Variants in GJB7 observed in about 807,000 individuals in gnomAD.
GJB7 encodes gap junction protein beta 7.
For missense variants in GJB7, 253 were observed against 256.8 expected (o/e 0.99, Z 0.10); for synonymous variants, 87 against 95.2 (o/e 0.91, Z 0.50).
intron 2 of GJB7, among the ~76,000 whole-genome samples, chr6:87,295,105 T>C (rs542054754): frequency 2.9e-4 from 44 of 151,906 alleles, no homozygotes; most frequent in African/African-American, 1.0e-3. Flanking sequence ...GTTGTATAAT[T>C]TCCTGGCCAA....
chr6:87,301,179 G>A (rs1776318197), intron 2 of GJB7, among the ~76,000 whole-genome samples: 1 of 152,090 alleles, frequency 6.6e-6, no homozygotes, highest in African/African-American at 2.4e-5. Context: ...TCGGACAGTG[G>A]GTGCAGGACA....
chr6:87,290,475 A>G (rs1776150383), intron 2 of GJB7, among the ~76,000 whole-genome samples: 1 of 151,298 alleles, frequency 6.6e-6, no homozygotes, highest in African/African-American at 2.5e-5. Flanking sequence ...AAAATCCCTA[A>G]AACAGTGTTT....
intron 2 of GJB7, among the ~76,000 whole-genome samples, chr6:87,311,604 C>T (rs1047607907): frequency 6.6e-6 from 1 of 152,092 alleles, no homozygotes; most frequent in African/African-American, 2.4e-5. Flanking sequence ...AAGTTCATGA[C>T]ACAGTATTTT....
chr6:87,299,441 C>G (rs568625178), intron 2 of GJB7: 4 of 453,446 alleles, frequency 8.8e-6, no homozygotes, highest in Non-Finnish European at 1.7e-5. Flanking sequence ...TTTATTAATA[C>G]GTCAAAAGGT....
chr6:87,327,821 G>T (rs1432760852), intron 1 of GJB7, among the ~76,000 whole-genome samples: 1 of 149,170 alleles, frequency 6.7e-6, no homozygotes, highest in Non-Finnish European at 1.5e-5. Context: ...GATTGGGGAA[G>T]TTCTCCTGGA....
intron 2 of GJB7, among the ~76,000 whole-genome samples, chr6:87,289,930 G>A (rs1257380617): frequency 6.6e-6 from 1 of 152,224 alleles, no homozygotes; most frequent in African/African-American, 2.4e-5. Flanking sequence ...GTGCTGGTTT[G>A]AAACTTGTGT....
At chr6:87,325,557 C>A (rs12211594) in intron 1 of GJB7, among the ~76,000 whole-genome samples, 57,797 of 147,502 alleles carry the variant, frequency 0.39, 12,160 homozygotes, top group Non-Finnish European at 0.48. Flanking sequence ...TGTTTATATG[C>A]TGGATTACAT....
chr6:87,301,749 C>T (rs964909457), intron 2 of GJB7, among the ~76,000 whole-genome samples: 6 of 152,194 alleles, frequency 3.9e-5, no homozygotes, highest in African/African-American at 1.4e-4. Flanking sequence ...GGACCCTGAC[C>T]CCGGAGTAGC....
intron 2 of GJB7, among the ~76,000 whole-genome samples, chr6:87,305,154 T>C (rs1441001650): frequency 6.6e-6 from 1 of 152,124 alleles, no homozygotes; most frequent in Non-Finnish European, 1.5e-5. Flanking sequence ...CTATTCAACA[T>C]AGTGTTGGAA....
At chr6:87,323,836 T>C (rs1001737772) in intron 1 of GJB7, among the ~76,000 whole-genome samples, 3 of 152,132 alleles carry the variant, frequency 2.0e-5, no homozygotes, top group African/African-American at 7.2e-5. Context: ...TCTAGATCCC[T>C]GAGGAATCGC....
In GJB7 at chr6:87,301,492, G is replaced by A. The variant is rs370216371; in HGVS notation, c.-27-16553C>T. Among the ~76,000 whole-genome samples, 26 of 152,252 alleles carry A rather than the reference G, an allele frequency of 1.7e-4. No individual in the cohort carries two copies. In the East Asian group the frequency reaches 3.7e-3, roughly 21 times the overall value. On this transcript the variant is annotated intron_variant, in intron 2 of 2. Coordinates refer to ENST00000525899, the MANE Select transcript of GJB7 (RefSeq NM_198568.3). ...CAGCGAGGGTGGGGGATGGGCGCCC[G>A]CCATTGCTGAGGCTTGAGTAGGTAA...
Position 87,284,865 on chromosome 6 carries a change from G to A in GJB7, c.48C>T (p.Tyr16=), listed in dbSNP as rs1562207274. Residue 16 remains tyrosine (Y), a synonymous_variant, in exon 3 of 3, where the codon TAC becomes TAT. Coordinates refer to ENST00000525899, the MANE Select transcript of GJB7 (RefSeq NM_198568.3). Reference sequence around the variant, plus strand: ...GCCAAATCCATCCAGTCCCAGTGGAGTATTTATTTACTCCACTCAGGAGAT... The same window carrying A: ...GCCAAATCCATCCAGTCCCAGTGGAATATTTATTTACTCCACTCAGGAGAT... ...LRDLLSGVNK[Y]STGTGWIWLA... is the part of the protein sequence containing the mutation. The A allele has an allele frequency of 6.8e-6, 11 of 1,613,956 alleles. No homozygotes were observed. Among genetic ancestry groups the A allele is most frequent in the East Asian group, 2.2e-5 (1 of 44,872 alleles).
intron 2 of GJB7, among the ~76,000 whole-genome samples, chr6:87,293,144 G>T (rs918016015): frequency 6.6e-6 from 1 of 152,172 alleles, no homozygotes; most frequent in African/African-American, 2.4e-5. Flanking sequence ...CAATTCTCCT[G>T]ACTCAGCTTC....
intron 2 of GJB7, among the ~76,000 whole-genome samples, chr6:87,287,898 A>AT (rs1484227121): frequency 6.6e-6 from 1 of 152,136 alleles, no homozygotes; most frequent in Non-Finnish European, 1.5e-5. Context: ...TGTCCATCCT[A>AT]TTTTTTTAAA....
chr6:87,306,410 A>C, intron 2 of GJB7, among the ~76,000 whole-genome samples: 1 of 152,244 alleles, frequency 6.6e-6, no homozygotes, highest in East Asian at 1.9e-4. Flanking sequence ...TGCAGCCAAA[A>C]AACACATGAA....
At chr6:87,292,280 CTT>C (rs1259816150) in intron 2 of GJB7, among the ~76,000 whole-genome samples, 1 of 152,200 alleles carries the variant, frequency 6.6e-6, no homozygotes, top group Non-Finnish European at 1.5e-5. Flanking sequence ...TGTTTCATCT[CTT>C]TAAATGATTT....
chr6:87,287,758 T>C (rs1476966865), intron 2 of GJB7, among the ~76,000 whole-genome samples: 1 of 152,100 alleles, frequency 6.6e-6, no homozygotes, highest in Non-Finnish European at 1.5e-5. Flanking sequence ...TGTTGGGCAT[T>C]TTAGAGGTAG....
chr6:87,308,409 C>T (rs940860696), intron 2 of GJB7, among the ~76,000 whole-genome samples: 6 of 151,906 alleles, frequency 3.9e-5, no homozygotes, highest in East Asian at 1.9e-4. Flanking sequence ...ATTAATATCC[C>T]GTAACTGAAA....
intron 1 of GJB7, among the ~76,000 whole-genome samples, chr6:87,325,690 G>A (rs901292399): frequency 1.3e-5 from 2 of 151,962 alleles, no homozygotes; most frequent in Non-Finnish European, 2.9e-5. Context: ...GAGGATTTTT[G>A]CATCAATGTT....
Sources: gnomAD v4.1 joint callset for allele counts (sites outside exome capture counted in the v4.1 genomes callset) on GRCh38, gnomAD v4.1.1 for gene constraint, MANE v1.5 for transcripts, NCBI Gene and HGNC (gene_info 2026-07-23, HGNC 2026-07-21) for gene names.